DLC1: variants seen among roughly 807,000 people sequenced by gnomAD.
The protein encoded by DLC1 is DLC1 Rho GTPase activating protein.
DLC1 carries 54 observed loss-of-function variants against 140.3 expected under a neutral mutation model. The ratio of observed to expected loss-of-function variants is 0.38; its 90% CI spans 0.31 to 0.48. The LOEUF is 0.48. Among genes scored for constraint, DLC1 ranks in the 20% least tolerant of loss-of-function variants. The pLI is 0.96. For missense variants in DLC1, 2,536 were observed against 1,907.0 expected, an observed-to-expected ratio of 1.33 and a Z score of -6.14; for synonymous variants, 986 against 728.1, an observed-to-expected ratio of 1.35 and a Z score of -5.70.
intron 1 of DLC1, among the ~76,000 whole-genome samples, chr8:13,553,228 G>A (rs6150470): frequency 0.56 from 26,031 of 46,408 alleles, 6,294 homozygotes; most frequent in East Asian, 0.86. Flanking sequence ...ATATATATAT[G>A]TATATATATA....
chr8:13,296,063 C>G (rs374466617), intron 5 of DLC1, among the ~76,000 whole-genome samples: 28 of 136,530 alleles, frequency 2.1e-4, no homozygotes, highest in African/African-American at 6.8e-4. Flanking sequence ...TCAAGCAATT[C>G]TCATGCCTCA....
At chr8:13,508,360 G>A (rs1182841542) in intron 1 of DLC1, among the ~76,000 whole-genome samples, 1 of 152,054 alleles carries the variant, frequency 6.6e-6, no homozygotes, top group Non-Finnish European at 1.5e-5. Flanking sequence ...GTTTCTAGGA[G>A]ATCCCAGAAT....
At chr8:13,440,773 G>T (rs114636772) in intron 2 of DLC1, among the ~76,000 whole-genome samples, 4,047 of 152,142 alleles carry the variant, frequency 0.027, 178 homozygotes, top group African/African-American at 0.092. Flanking sequence ...GATCTGAAGG[G>T]TTTATCAGGG....
At chr8:13,353,203 C>G (rs1412879055) in intron 4 of DLC1, among the ~76,000 whole-genome samples, 4 of 152,172 alleles carry the variant, frequency 2.6e-5, no homozygotes, top group African/African-American at 9.6e-5. Flanking sequence ...CTGCCCATTT[C>G]TTGCAAGACG....
intron 2 of DLC1, among the ~76,000 whole-genome samples, chr8:13,484,561 G>A (rs182567788): frequency 8.2e-4 from 125 of 152,210 alleles, no homozygotes; most frequent in African/African-American, 3.0e-3. Context: ...CTTCCTTAAG[G>A]AAAGGATGGA....
chr8:13,432,563 C>G (rs1046454020), intron 2 of DLC1, among the ~76,000 whole-genome samples: 4 of 152,196 alleles, frequency 2.6e-5, no homozygotes, highest in African/African-American at 4.8e-5. Context: ...AGGCAATACT[C>G]TAAATCAATT....
At chr8:13,578,162 G>A (rs1163445386) in intron 1 of DLC1, among the ~76,000 whole-genome samples, 1 of 151,950 alleles carries the variant, frequency 6.6e-6, no homozygotes, top group East Asian at 1.9e-4. Flanking sequence ...CAGTAACTCA[G>A]CACAGCTGCT....
Position 13,143,895 on chromosome 8 carries a change from T to C in DLC1, c.1349-28238A>G, listed in dbSNP as rs973079189. ...TTTTCCAGCCGTTTCAGCCCAGAGC[T>C]GTTTGAGTTTTCCCCGGGCAGGCAC... On this transcript the variant is annotated intron_variant, in intron 5 of 17. Coordinates refer to ENST00000276297, the MANE Select transcript of DLC1 (RefSeq NM_182643.3). 5.6e-4 allele frequency among the ~76,000 whole-genome samples: 85 copies of C among 151,148 alleles called. 1 individual carries two copies. Among genetic ancestry groups the C allele is most frequent in the African/African-American group, 1.9e-3 (78 of 41,036 alleles).
At chr8:13,464,788 A>T (rs984213870) in intron 2 of DLC1, among the ~76,000 whole-genome samples, 5 of 106,346 alleles carry the variant, frequency 4.7e-5, no homozygotes, top group South Asian at 3.0e-4. Context: ...ATATATATAT[A>T]TATTTATGCT....
chr8:13,182,545 C>T (rs1215660965), intron 5 of DLC1, among the ~76,000 whole-genome samples: 2 of 152,124 alleles, frequency 1.3e-5, no homozygotes, highest in African/African-American at 4.8e-5. Flanking sequence ...ATATGGCTAG[C>T]CAGTTTTCCC....
intron 4 of DLC1, among the ~76,000 whole-genome samples, chr8:13,308,230 A>G (rs1832535196): frequency 6.6e-6 from 1 of 152,238 alleles, no homozygotes; most frequent in African/African-American, 2.4e-5. Flanking sequence ...TCCATATTTC[A>G]TGTAGCCAAT....
chr8:13,488,244 C>G (rs1027464476), intron 2 of DLC1, among the ~76,000 whole-genome samples: 5 of 152,128 alleles, frequency 3.3e-5, no homozygotes, highest in Non-Finnish European at 5.9e-5. Flanking sequence ...GAATGAATAC[C>G]TAATATCATT....
chr8:13,258,066 T>A (rs1830323838), intron 5 of DLC1, among the ~76,000 whole-genome samples: 1 of 152,200 alleles, frequency 6.6e-6, no homozygotes, highest in Non-Finnish European at 1.5e-5. Flanking sequence ...CACAGCAAGT[T>A]TCAATCCTTG....
At chr8:13,473,825 G>A (rs1800318098) in intron 2 of DLC1, among the ~76,000 whole-genome samples, 1 of 152,156 alleles carries the variant, frequency 6.6e-6, no homozygotes, top group South Asian at 2.1e-4. Context: ...TTGTTATCTG[G>A]TGGAAGAAAT....
At chr8:13,378,895 G>T (rs967500980) in intron 4 of DLC1, among the ~76,000 whole-genome samples, 1 of 152,100 alleles carries the variant, frequency 6.6e-6, no homozygotes, top group East Asian at 1.9e-4. Context: ...AATGGGTTAT[G>T]TTGTTTACTT....
intron 5 of DLC1, among the ~76,000 whole-genome samples, chr8:13,190,692 G>A (rs556700860): frequency 6.6e-6 from 1 of 152,118 alleles, no homozygotes; most frequent in Non-Finnish European, 1.5e-5. Flanking sequence ...GCTGTGGGCT[G>A]TGGGATCAGA....
At chr8:13,596,405 T>G (rs1297870558) in intron 1 of DLC1, among the ~76,000 whole-genome samples, 1 of 151,956 alleles carries the variant, frequency 6.6e-6, no homozygotes, top group East Asian at 1.9e-4. Context: ...AAGTGTTTTA[T>G]TTTAGGTTCT....
At chr8:13,182,733 A>G (rs1305245157) in intron 5 of DLC1, among the ~76,000 whole-genome samples, 1 of 152,232 alleles carries the variant, frequency 6.6e-6, no homozygotes, top group East Asian at 1.9e-4. Context: ...GCCTTGTAGT[A>G]TAGTTTGAAG....
At chr8:13,214,619 C>T (rs772048054) in intron 5 of DLC1, 2 of 775,138 alleles carry the variant, frequency 2.6e-6, no homozygotes, top group South Asian at 1.3e-5. Context: ...GCCAGGCACA[C>T]ACCGGCCTAG....
Sources: gnomAD v4.1 joint callset for allele counts (sites outside exome capture counted in the v4.1 genomes callset) on GRCh38, gnomAD v4.1.1 for gene constraint, MANE v1.5 for transcripts, NCBI Gene and HGNC (gene_info 2026-07-23, HGNC 2026-07-21) for gene names.